FBXO42: variants seen among roughly 807,000 people sequenced by gnomAD.
FBXO42 encodes the protein F-box protein 42.
FBXO42 carries 12 observed loss-of-function variants against 71.7 expected under a neutral mutation model. That is an observed-to-expected ratio of 0.17 (90% CI 0.11 to 0.27). The LOEUF is 0.27. FBXO42 is among the 10% of genes least tolerant of loss of function. The probability of loss-of-function intolerance (pLI) is 1.00; values close to 1 mark genes in which losing one functional copy is unlikely to be tolerated. For synonymous variants in FBXO42, 325 were observed against 327.5 expected (o/e 0.99, Z 0.08); for missense variants, 707 against 911.9 (o/e 0.78, Z 2.89).
chr1:16,320,415 C>A lies in FBXO42; in HGVS notation c.-17-4980G>T, dbSNP rs2082402705. ...CCTTTTATTACTGGAAAAAATATCA[C>A]TTCCCATAGTCCCTCTTACTTGTTC... On this transcript the variant is annotated intron_variant, in intron 1 of 9. Transcript: ENST00000375592. 2.0e-5 allele frequency among the ~76,000 whole-genome samples: 3 copies of A among 150,802 alleles called. No homozygotes were observed. The South Asian group carries it at 6.3e-4, about 32-fold the overall frequency.
At chr1:16,288,228 G>A (rs2082042021) in intron 4 of FBXO42, among the ~76,000 whole-genome samples, 1 of 151,464 alleles carries the variant, frequency 6.6e-6, no homozygotes, top group South Asian at 2.1e-4. Context: ...TCAAGAGATC[G>A]AGACCATTCT....
chr1:16,315,298 T>C lies in FBXO42; in HGVS notation c.121A>G (p.Thr41Ala), dbSNP rs773578149. The C allele has an allele frequency of 1.2e-6, 2 of 1,614,132 alleles. No individual in the cohort carries two copies. The highest frequency in any genetic ancestry group is 1.7e-6 in the Non-Finnish European group (2 of 1,180,024). Reference protein sequence around the residue: ...EPHPVLEAEETRHNRSMSELP... With the variant: ...EPHPVLEAEEARHNRSMSELP... ...TCCGACATGGACCTATTATGTCTAG[T>C]CTCCTCAGCCTCCAATACTGGGTGG... is the stretch of plus-strand genomic sequence containing the variant. Residue 41 changes from threonine to alanine, a missense_variant, in exon 2 of 10, where the codon ACT becomes GCT. By Grantham distance (58) the Thr-to-Ala change is moderately conservative (BLOSUM62 0). Coordinates refer to ENST00000375592, the MANE Select transcript of FBXO42 (RefSeq NM_018994.3).
chr1:16,267,490 T>C (rs1183002347), intron 4 of FBXO42, among the ~76,000 whole-genome samples: 1 of 152,166 alleles, frequency 6.6e-6, no homozygotes, highest in Non-Finnish European at 1.5e-5. Context: ...GTTTGTTGAA[T>C]TGAAGCCATC....
intron 4 of FBXO42, among the ~76,000 whole-genome samples, chr1:16,288,398 C>A (rs2082043325): frequency 6.6e-6 from 1 of 151,442 alleles, no homozygotes; most frequent in Non-Finnish European, 1.5e-5. Context: ...CCACTGCACT[C>A]CAGCCTGGTG....
rs371420167 is a variant in FBXO42 at position 16,259,160 on chromosome 1, C to G, written c.503-2401G>C. On this transcript the variant is annotated intron_variant, in intron 4 of 9. Coordinates refer to ENST00000375592, the MANE Select transcript of FBXO42 (RefSeq NM_018994.3). ...TGTCTTTCATATAGCCTTACTGTTC[C>G]TGGTCAAAAACATTTACCTCCCCAA... 9.9e-5 allele frequency among the ~76,000 whole-genome samples: 15 copies of G among 152,146 alleles called. No individual in the cohort carries two copies. In the East Asian group the frequency reaches 2.3e-3, roughly 23 times the overall value.
intron 4 of FBXO42, among the ~76,000 whole-genome samples, chr1:16,263,492 G>A (rs1449146183): frequency 1.3e-5 from 2 of 151,588 alleles, no homozygotes; most frequent in Non-Finnish European, 2.9e-5. Flanking sequence ...CCGGCCAGGC[G>A]TGGTGGATCA....
At position 16,251,752 on chromosome 1, in the gene FBXO42, G is replaced by A. The variant is rs1217707229; in HGVS notation, c.1072C>T (p.Pro358Ser). The change falls in exon 10 of 10, where the codon CCT becomes TCT. Residue 358 changes from proline to serine, a missense_variant. By Grantham distance (74) the Pro-to-Ser change is moderately conservative (BLOSUM62 -1). This residue lies in a region of FBXO42 where 482 missense variants were observed against 587.1 expected (regional missense o/e 0.82). Transcript: ENST00000375592. The surrounding 1 kb of genome is among the most constrained non-coding windows in gnomAD (Gnocchi z 4.5). ...GGGCTGAGTGGGGCTCTCCCACTAG[G>A]AGCCTGGCTGAAGACCACCACACAC... is the stretch of plus-strand genomic sequence containing the variant. Reference protein sequence around the residue: ...GQCVVVFSQAPSGRAPLSPSL... With the variant: ...GQCVVVFSQASSGRAPLSPSL... 2 of 1,613,976 alleles carry A rather than the reference G, an allele frequency of 1.2e-6. No homozygotes were observed. Among genetic ancestry groups the A allele is most frequent in the Non-Finnish European group, 1.7e-6 (2 of 1,180,028 alleles).
chr1:16,261,242 T>C (rs2081708193), intron 4 of FBXO42, among the ~76,000 whole-genome samples: 1 of 152,120 alleles, frequency 6.6e-6, no homozygotes, highest in Non-Finnish European at 1.5e-5. Context: ...TGGGACACAC[T>C]CCACCTCTAA....
At chr1:16,293,733 C>T (rs1027537455) in intron 4 of FBXO42, 1 of 152,122 alleles carries the variant, frequency 6.6e-6, no homozygotes, top group Admixed American at 6.6e-5. Flanking sequence ...GGTTTAAGTC[C>T]CTGGCCTAGA....
chr1:16,325,466 G>A (rs1236806931), intron 1 of FBXO42, among the ~76,000 whole-genome samples: 1 of 151,924 alleles, frequency 6.6e-6, no homozygotes, highest in East Asian at 1.9e-4. Flanking sequence ...AGCAAACTGT[G>A]AGCTATTATG....
At chr1:16,330,890 C>T (rs772610418) in intron 1 of FBXO42, among the ~76,000 whole-genome samples, 1 of 151,578 alleles carries the variant, frequency 6.6e-6, no homozygotes, top group Non-Finnish European at 1.5e-5. Context: ...TGCAGTGAGC[C>T]GAGATCCTGC....
intron 4 of FBXO42, among the ~76,000 whole-genome samples, chr1:16,274,564 C>G (rs2081878510): frequency 1.6e-5 from 2 of 125,412 alleles, no homozygotes. Flanking sequence ...ATGTATATCC[C>G]CCCCCCATAC....
At position 16,249,928 on chromosome 1, in the gene FBXO42, T is replaced by C. The variant is rs1022772301; in HGVS notation, c.*742A>G. ...CAACTTGCCACCAAATATGATTGATTGTCAGAAATTTCCACAATCAGACAC... is the reference window on the plus strand; with the variant it reads ...CAACTTGCCACCAAATATGATTGATCGTCAGAAATTTCCACAATCAGACAC... On this transcript the variant is annotated 3_prime_UTR_variant, in exon 10 of 10. Coordinates refer to ENST00000375592, the MANE Select transcript of FBXO42 (RefSeq NM_018994.3). 1.3e-5 allele frequency: 2 copies of C among 151,570 alleles called. No individual in the cohort carries two copies. Among genetic ancestry groups the C allele is most frequent in the African/African-American group, 2.4e-5 (1 of 41,446 alleles). 9.4% of individuals were successfully genotyped at this position (151,570 alleles called of 1,614,324 possible).
At chr1:16,328,656 C>A (rs1395680536) in intron 1 of FBXO42, among the ~76,000 whole-genome samples, 1 of 152,146 alleles carries the variant, frequency 6.6e-6, no homozygotes, top group African/African-American at 2.4e-5. Flanking sequence ...AGTATACACT[C>A]ATCTACCACC....
intron 1 of FBXO42, among the ~76,000 whole-genome samples, chr1:16,335,863 T>C (rs2082547594): frequency 7.2e-6 from 1 of 138,490 alleles, no homozygotes; most frequent in Non-Finnish European, 1.5e-5. Flanking sequence ...CGAGACTCCA[T>C]CGCGCCAAAA....
chr1:16,318,697 A>C (rs1466588464), intron 1 of FBXO42, among the ~76,000 whole-genome samples: 1 of 152,330 alleles, frequency 6.6e-6, no homozygotes, highest in South Asian at 2.1e-4. Flanking sequence ...GACAGAATTC[A>C]GAATGGAAAA....
intron 2 of FBXO42, among the ~76,000 whole-genome samples, chr1:16,309,056 T>C (rs1320100576): frequency 3.5e-5 from 3 of 85,752 alleles, no homozygotes; most frequent in African/African-American, 1.3e-4. Context: ...AGACCCCATC[T>C]CTTTTTTTTT....
intron 3 of FBXO42, among the ~76,000 whole-genome samples, chr1:16,296,917 C>G (rs1285545692): frequency 7.0e-6 from 1 of 143,282 alleles, no homozygotes; most frequent in Non-Finnish European, 1.5e-5. Context: ...TAAACTCCCC[C>G]CTCCCCCGCA....
At chr1:16,336,487 A>T (rs1372201717) in intron 1 of FBXO42, among the ~76,000 whole-genome samples, 1 of 151,050 alleles carries the variant, frequency 6.6e-6, no homozygotes, top group Non-Finnish European at 1.5e-5. Context: ...CCTCCTGAGT[A>T]GCTGGGATTA....
Sources: gnomAD v4.1 joint callset for allele counts (sites outside exome capture counted in the v4.1 genomes callset) on GRCh38, gnomAD v4.1.1 for gene constraint, gnomAD v4.1.1 regional missense constraint, Gnocchi (gnomAD v3.1) non-coding constraint, MANE v1.5 for transcripts, NCBI Gene and HGNC (gene_info 2026-07-23, HGNC 2026-07-21) for gene names.